The following RNF17 variants were observed in gnomAD, a reference collection of about 807,000 sequenced individuals.
RNF17 encodes the protein ring finger protein 17, also known as spermatogenesis associated 23.
RNF17 carries 31 observed loss-of-function variants against 200.5 expected under a neutral mutation model. The observed-to-expected ratio is 0.15, with a 90% CI of 0.12 to 0.21. The LOEUF is 0.21. RNF17 is among the 10% of genes least tolerant of loss of function. The pLI, the probability that RNF17 is intolerant of heterozygous loss-of-function variation, is 1.00. For missense variants in RNF17, 1,628 were observed against 1,905.1 expected (o/e 0.85, Z 2.71); for synonymous variants, 606 against 637.8 (o/e 0.95, Z 0.75).
intron 6 of RNF17, among the ~76,000 whole-genome samples, chr13:24,783,655 C>G (rs963331824): frequency 1.3e-5 from 2 of 151,130 alleles, no homozygotes; most frequent in African/African-American, 4.9e-5. Flanking sequence ...CCTTAATTTT[C>G]TTTTGGGATT....
intron 30 of RNF17, 107 bp from the exon 31 acceptor site, chr13:24,868,493 A>AAAAAAAAAAACAAAAAAAAAAG (rs60813801): frequency 3.6e-6 from 1 of 275,156 alleles, no homozygotes; most frequent in Non-Finnish European, 6.7e-6. Context: ...AAAAAAAAAA[A>AAAAAAAAAAACAAAAAAAAAAG]CTTGCTTTCT....
chr13:24,843,001 A>G (rs531874804), intron 19 of RNF17, among the ~76,000 whole-genome samples: 20 of 152,086 alleles, frequency 1.3e-4, no homozygotes, highest in Non-Finnish European at 2.5e-4. Flanking sequence ...AAAAAAAAGA[A>G]AAAAGAAAGC....
intron 15 of RNF17, among the ~76,000 whole-genome samples, chr13:24,814,848 A>G (rs1887186176): frequency 6.6e-6 from 1 of 152,168 alleles, no homozygotes. Flanking sequence ...TTAAGATTCC[A>G]TGTGACTTTT....
At chr13:24,837,199 T>A (rs538685128) in intron 18 of RNF17, among the ~76,000 whole-genome samples, 12 of 152,272 alleles carry the variant, frequency 7.9e-5, no homozygotes, top group Admixed American at 7.8e-4. Context: ...TATGTGCACC[T>A]AACACTAGAG....
chr13:24,856,419 C>CA (rs60553495), intron 25 of RNF17, among the ~76,000 whole-genome samples: 42,160 of 101,218 alleles, frequency 0.42, 8,007 homozygotes, highest in Non-Finnish European at 0.5. Flanking sequence ...GAATCCGTCT[C>CA]AAAAAAAAAA....
intron 10 of RNF17, among the ~76,000 whole-genome samples, chr13:24,795,423 TC>T (rs753438026): frequency 1.4e-5 from 2 of 143,244 alleles, no homozygotes; most frequent in Non-Finnish European, 3.0e-5. Flanking sequence ...GGCGGGGGTG[TC>T]TTTTTTTTTT....
At chr13:24,885,304 T>TGTATGTCTTGGTCTTCCTCCTCCTC in the RNF17 span, 4 of 1,612,562 alleles carry the variant, frequency 2.5e-6, no homozygotes, top group Non-Finnish European at 3.4e-6. Flanking sequence ...GATTTCTCCC[T>TGTATGTCTTGGTCTTCCTCCTCCTC]GTATGTCTTG....
At chr13:24,752,703 G>A in the RNF17 span, among the ~76,000 whole-genome samples, 5 of 152,260 alleles carry the variant, frequency 3.3e-5, no homozygotes, top group African/African-American at 1.2e-4. Context: ...GATCTGACAG[G>A]AAGTGGAGCT....
At position 24,825,588 on chromosome 13, in the gene RNF17, AATGACAGTGCTTT is replaced by A; in HGVS notation, c.2092-28_2092-16del. 7.0e-7 allele frequency: 1 copy of A among 1,438,422 alleles called. No homozygotes were observed. The highest frequency in any genetic ancestry group is 9.6e-7 in the Non-Finnish European group (1 of 1,043,878). The allele number at this position is 1,438,422 out of a possible 1,614,324, so 89.1% of individuals were successfully genotyped here. A position where few individuals can be genotyped will look rare whatever the true frequency, so the allele number is the denominator to read the frequency against. On this transcript the variant is annotated intron_variant, in intron 15 of 35. Coordinates refer to ENST00000255324, the MANE Select transcript of RNF17 (RefSeq NM_031277.3). ...ACACTTACATTTTAAGTTTCTGTGAAATGACAGTGCTTTATCCCTTTATTTACTAGATAGAGGG... is the reference window on the plus strand; with the variant it reads ...ACACTTACATTTTAAGTTTCTGTGAAATCCCTTTATTTACTAGATAGAGGG...
intron 6 of RNF17, among the ~76,000 whole-genome samples, chr13:24,786,263 G>A (rs1312721365): frequency 6.6e-6 from 1 of 152,066 alleles, no homozygotes; most frequent in Non-Finnish European, 1.5e-5. Context: ...TTGAGTAGTA[G>A]ACAGCTTAAC....
At chr13:24,842,183 C>A in intron 19 of RNF17, 22 bp downstream of exon 19, 1 of 1,568,294 alleles carries the variant, frequency 6.4e-7, no homozygotes, top group Non-Finnish European at 8.6e-7. Context: ...TGTAAACTTT[C>A]ATTGTTAGTT....
downstream of RNF17, among the ~76,000 whole-genome samples, chr13:24,881,830 C>CTA (rs1412894641): frequency 7.6e-6 from 1 of 131,204 alleles, no homozygotes; most frequent in Non-Finnish European, 1.7e-5. Context: ...ATAGATACAT[C>CTA]TATATAGATA....
In RNF17 at chr13:24,822,575, C is replaced by T. The variant is rs1240570852; in HGVS notation, c.2092-3044C>T. ...TAGCTGGGATTACTTGCATGCACCA[C>T]CACACCTGACTAATGTTGTATTTTT... On this transcript the variant is annotated intron_variant, in intron 15 of 35. Transcript: ENST00000255324. Among the ~76,000 whole-genome samples, 3 of 152,030 alleles carry T rather than the reference C, an allele frequency of 2.0e-5. No homozygotes were observed. The East Asian group carries it at 5.8e-4, about 29-fold the overall frequency.
Position 24,869,438 on chromosome 13 carries a change from T to C in RNF17, c.4278+722T>C, listed in dbSNP as rs114722281. 1.3e-3 allele frequency among the ~76,000 whole-genome samples: 203 copies of C among 152,322 alleles called. 1 individual carries two copies. The Middle Eastern group carries it at 0.014, about 10-fold the overall frequency. On this transcript the variant is annotated intron_variant, in intron 31 of 35. Coordinates refer to ENST00000255324, the MANE Select transcript of RNF17 (RefSeq NM_031277.3). ...TGCTTATTTATTGCTGTATCACAAT[T>C]TACCCCTAAACTTAGCAGCTTAATA...
chr13:24,865,527 C>G (rs11616889), intron 29 of RNF17, among the ~76,000 whole-genome samples: 7,253 of 152,164 alleles, frequency 0.048, 252 homozygotes, highest in Admixed American at 0.082. Flanking sequence ...ACATTTCAAG[C>G]TGCTATAAAT....
upstream of RNF17, among the ~76,000 whole-genome samples, chr13:24,762,534 T>C (rs1482178269): frequency 6.6e-6 from 1 of 152,182 alleles, no homozygotes; most frequent in Non-Finnish European, 1.5e-5. Flanking sequence ...CATGGATTAG[T>C]AGTGGAAACT....
the RNF17 span, chr13:24,885,265 C>T: frequency 1.3e-6 from 2 of 1,527,110 alleles, no homozygotes; most frequent in Non-Finnish European, 1.8e-6. Flanking sequence ...ATTTCAAAAA[C>T]ATTTTTTAAC....
At chr13:24,758,202 TA>T in the RNF17 span, among the ~76,000 whole-genome samples, 1 of 152,226 alleles carries the variant, frequency 6.6e-6, no homozygotes, top group Non-Finnish European at 1.5e-5. Flanking sequence ...AATGGATTAA[TA>T]AAACTTTCCA....
At chr13:24,758,342 G>A in the RNF17 span, among the ~76,000 whole-genome samples, 4 of 151,844 alleles carry the variant, frequency 2.6e-5, no homozygotes, top group East Asian at 1.9e-4. Context: ...TGTTCCATGC[G>A]TTATCATGCT....
Sources: allele counts gnomAD v4.1 joint callset (sites outside exome capture counted in the v4.1 genomes callset), GRCh38; gene constraint gnomAD v4.1.1; transcripts MANE v1.5; gene names NCBI Gene and HGNC (gene_info 2026-07-23, HGNC 2026-07-21).